CFAP54: variants seen among roughly 807,000 people sequenced by gnomAD.
CFAP54 encodes the protein cilia and flagella associated protein 54.
A neutral mutation model predicts 370.4 loss-of-function variants in CFAP54; 290 were observed. The ratio of observed to expected loss-of-function variants is 0.78; its 90% CI spans 0.71 to 0.86. The LOEUF (loss-of-function observed/expected upper bound fraction) is 0.86, where lower values mean the gene tolerates loss of function less well. CFAP54 is among the 40% of genes least tolerant of loss of function. CFAP54 has a pLI of 0.00. For missense variants in CFAP54, 3,399 were observed against 3,528.7 expected (o/e 0.96, Z 0.93); for synonymous variants, 1,206 against 1,236.5 (o/e 0.98, Z 0.52).
chr12:96,584,029 A>G (rs1190028963), intron 22 of CFAP54, among the ~76,000 whole-genome samples: 4 of 152,194 alleles, frequency 2.6e-5, no homozygotes, highest in Non-Finnish European at 1.5e-5. Flanking sequence ...TTTGTCAGCA[A>G]TCACGATGGT....
intron 1 of CFAP54, among the ~76,000 whole-genome samples, chr12:96,493,703 C>T (rs1323970913): frequency 6.6e-6 from 1 of 152,152 alleles, no homozygotes; most frequent in Non-Finnish European, 1.5e-5. Flanking sequence ...CAGGCCGAGG[C>T]AGGAGAATCA....
At chr12:96,689,475 A>C (rs1957366528) in intron 43 of CFAP54, among the ~76,000 whole-genome samples, 1 of 152,080 alleles carries the variant, frequency 6.6e-6, no homozygotes, top group African/African-American at 2.4e-5. Flanking sequence ...TTTAATATTT[A>C]ACAGAGTCAG....
intron 42 of CFAP54, among the ~76,000 whole-genome samples, chr12:96,687,617 A>T (rs1025443351): frequency 4.6e-5 from 7 of 152,210 alleles, no homozygotes; most frequent in African/African-American, 1.7e-4. Context: ...CTTTCAGATT[A>T]GCATCTTCAG....
chr12:96,550,665 G>C (rs1369424593), intron 15 of CFAP54, among the ~76,000 whole-genome samples: 1 of 152,212 alleles, frequency 6.6e-6, no homozygotes, highest in Non-Finnish European at 1.5e-5. Flanking sequence ...CCTCCTGGGA[G>C]AAAACACTTA....
Position 96,534,062 on chromosome 12 carries a change from A to T in CFAP54, c.1540A>T (p.Arg514Trp). 6.6e-7 allele frequency: 1 copy of T among 1,518,502 alleles called. No individual in the cohort carries two copies. The allele number at this position is 1,518,502 out of a possible 1,614,324, so 94.1% of individuals were successfully genotyped here. ...SAVHLIYFLQRQDDPESKKAE... is the reference protein window; with the variant it reads ...SAVHLIYFLQWQDDPESKKAE... ...AACGTGTGGGATATACTTCCCCAAGAGGCAGGATGATCCAGAGTCAAAGAA... is the reference window on the plus strand; with the variant it reads ...AACGTGTGGGATATACTTCCCCAAGTGGCAGGATGATCCAGAGTCAAAGAA... Residue 514 changes from arginine to tryptophan, a missense_variant and splice_region_variant, in exon 11 of 68, where the codon AGG becomes TGG. Coordinates refer to ENST00000524981, the MANE Select transcript of CFAP54 (RefSeq NM_001306084.2).
intron 32 of CFAP54, among the ~76,000 whole-genome samples, chr12:96,640,119 G>A (rs1163312763): frequency 6.6e-6 from 1 of 151,800 alleles, no homozygotes; most frequent in East Asian, 1.9e-4. Flanking sequence ...TATTCAATTA[G>A]GAAAAGAGGA....
Position 96,827,839 on chromosome 12 carries a change from T to G in CFAP54, c.9097-1175T>G, listed in dbSNP as rs35894490. Among the ~76,000 whole-genome samples, 36 of 90,114 alleles carry G rather than the reference T, an allele frequency of 4.0e-4. 1 individual carries two copies. The East Asian group carries it at 5.1e-3, about 13-fold the overall frequency. 59.1% of individuals were successfully genotyped at this position (90,114 alleles called of 152,430 possible). A position where few individuals can be genotyped will look rare whatever the true frequency, so the allele number is the denominator to read the frequency against. On this transcript the variant is annotated intron_variant, in intron 65 of 67. Coordinates refer to ENST00000524981, the MANE Select transcript of CFAP54 (RefSeq NM_001306084.2). Reference sequence around the variant, plus strand: ...ATATATTATATATAGTTATATATAATATATAATTATATATAATACATAGTA... The same window carrying G: ...ATATATTATATATAGTTATATATAAGATATAATTATATATAATACATAGTA...
intron 63 of CFAP54, among the ~76,000 whole-genome samples, chr12:96,796,810 T>C (rs901808351): frequency 6.6e-6 from 1 of 152,198 alleles, no homozygotes; most frequent in African/African-American, 2.4e-5. Context: ...TATTGGTTAT[T>C]TGTGTATTCT....
At chr12:96,494,456 A>G (rs529927928) in intron 1 of CFAP54, among the ~76,000 whole-genome samples, 1 of 152,106 alleles carries the variant, frequency 6.6e-6, no homozygotes, top group Admixed American at 6.5e-5. Flanking sequence ...GCATGCCACC[A>G]CGCCCGGCTA....
At chr12:96,653,121 T>C (rs1043069347) in intron 36 of CFAP54, among the ~76,000 whole-genome samples, 1 of 152,238 alleles carries the variant, frequency 6.6e-6, no homozygotes, top group African/African-American at 2.4e-5. Flanking sequence ...CTTCACTCCA[T>C]GTACCTCTTC....
chr12:96,555,778 A>G (rs1955745219), intron 17 of CFAP54, among the ~76,000 whole-genome samples: 1 of 151,882 alleles, frequency 6.6e-6, no homozygotes, highest in African/African-American at 2.4e-5. Context: ...GTGTTTATTG[A>G]TAAGAAGACC....
chr12:96,865,034 A>G (rs1244009684), intron 67 of CFAP54, among the ~76,000 whole-genome samples: 8 of 152,226 alleles, frequency 5.3e-5, no homozygotes, highest in Admixed American at 2.0e-4. Context: ...CAGTGAACCC[A>G]GAAGTCCACT....
At chr12:96,502,195 C>A (rs748683044) in intron 2 of CFAP54, among the ~76,000 whole-genome samples, 3 of 151,720 alleles carry the variant, frequency 2.0e-5, no homozygotes, top group Non-Finnish European at 2.9e-5. Flanking sequence ...GATAGAAAGG[C>A]CTAGATAGGA....
intron 22 of CFAP54, among the ~76,000 whole-genome samples, chr12:96,581,469 C>T (rs1956032087): frequency 6.6e-6 from 1 of 152,020 alleles, no homozygotes; most frequent in Non-Finnish European, 1.5e-5. Flanking sequence ...GAGAAATTTT[C>T]AGTTGTCACA....
At chr12:96,614,900 A>G (rs1401626727) in intron 26 of CFAP54, among the ~76,000 whole-genome samples, 2 of 152,232 alleles carry the variant, frequency 1.3e-5, no homozygotes, top group African/African-American at 4.8e-5. Flanking sequence ...GCTCATGGAT[A>G]GGAAGAATCA....
chr12:96,762,025 T>C (rs980677839), intron 58 of CFAP54, among the ~76,000 whole-genome samples: 1 of 152,190 alleles, frequency 6.6e-6, no homozygotes, highest in Non-Finnish European at 1.5e-5. Flanking sequence ...CAAAAAAAAC[T>C]AAGGAGATTT....
intron 4 of CFAP54, among the ~76,000 whole-genome samples, chr12:96,508,126 C>CTTTTTT (rs398020728): frequency 1.7e-4 from 19 of 112,208 alleles, no homozygotes; most frequent in African/African-American, 2.4e-4. Flanking sequence ...CAAACATAGT[C>CTTTTTT]TTTTTTTTTT....
chr12:96,765,245 C>G (rs767394829), intron 60 of CFAP54, 27 bp downstream of exon 60: 3 of 1,440,390 alleles, frequency 2.1e-6, no homozygotes, highest in Non-Finnish European at 2.8e-6. Flanking sequence ...ACATATTATG[C>G]AAAAAAACTG....
At chr12:96,639,223 G>A (rs1439785665) in intron 32 of CFAP54, among the ~76,000 whole-genome samples, 2 of 152,148 alleles carry the variant, frequency 1.3e-5, no homozygotes, top group Non-Finnish European at 2.9e-5. Context: ...TCAAATGGAC[G>A]CAATAAAAAA....
Sources: gnomAD v4.1 joint callset for allele counts (sites outside exome capture counted in the v4.1 genomes callset) on GRCh38, gnomAD v4.1.1 for gene constraint, MANE v1.5 for transcripts, NCBI Gene and HGNC (gene_info 2026-07-23, HGNC 2026-07-21) for gene names.